Variants in LRIG1 observed in about 807,000 individuals in gnomAD.
The protein encoded by LRIG1 is leucine rich repeats and immunoglobulin like domains 1.
Under a neutral mutation model 99.2 loss-of-function variants are expected in LRIG1, and 48 were observed. That is an observed-to-expected ratio of 0.48 (90% CI 0.38 to 0.62). LRIG1 has a LOEUF of 0.62. Ranked by LOEUF, LRIG1 falls within the 20% of genes least tolerant of loss-of-function variation. LRIG1 has a pLI of 0.00. For missense variants in LRIG1, 1,646 were observed against 1,434.4 expected (o/e 1.15, Z -2.38); for synonymous variants, 772 against 596.1 (o/e 1.29, Z -4.30).
At chr3:66,394,006 TGAA>T in intron 12 of LRIG1, 31 bp downstream of exon 12, 1 of 1,611,104 alleles carries the variant, frequency 6.2e-7, no homozygotes. Context: ...TTGTCCTTCA[TGAA>T]GGAGAGAAAA....
At position 66,389,426 on chromosome 3, in the gene LRIG1, T is replaced by C. The variant is rs552551200; in HGVS notation, c.1469-3125A>G. On this transcript the variant is annotated intron_variant, in intron 12 of 18. Coordinates refer to ENST00000273261, the MANE Select transcript of LRIG1 (RefSeq NM_015541.3). Reference sequence around the variant, plus strand: ...TCCAATCAAAAGGCAAAGATTACCATAATGGATAAAAAAAACTATGATCCA... The same window carrying C: ...TCCAATCAAAAGGCAAAGATTACCACAATGGATAAAAAAAACTATGATCCA... 1.1e-4 allele frequency among the ~76,000 whole-genome samples: 16 copies of C among 152,062 alleles called. No homozygotes were observed. The East Asian group carries it at 3.1e-3, about 29-fold the overall frequency.
Position 66,384,232 on chromosome 3 carries a change from G to T in LRIG1, c.1830C>A (p.Ile610=). ...CGAGGCGGGCCATGGTGGTGGTCCG[G>T]ATGGTTATGTCGTGGGGCGTTTTGG... ...SFTKTPHDIT[I]RTTTMARLEC... The change falls in exon 14 of 19, where the codon ATC becomes ATA. Residue 610 remains isoleucine, a synonymous_variant. Coordinates refer to ENST00000273261, the MANE Select transcript of LRIG1 (RefSeq NM_015541.3). 4 of 1,613,954 alleles carry T rather than the reference G, an allele frequency of 2.5e-6. No individual in the cohort carries two copies. The highest frequency in any genetic ancestry group is 3.4e-6 in the Non-Finnish European group (4 of 1,179,864).
intron 1 of LRIG1, among the ~76,000 whole-genome samples, chr3:66,476,655 T>C (rs1700729379): frequency 6.6e-6 from 1 of 152,350 alleles, no homozygotes; most frequent in East Asian, 1.9e-4. Context: ...TAGAAAAAGA[T>C]GGCTGTCTCT....
intron 2 of LRIG1, among the ~76,000 whole-genome samples, chr3:66,461,675 C>T (rs1575709105): frequency 6.6e-6 from 1 of 152,100 alleles, no homozygotes. Flanking sequence ...CTGTAGTTGC[C>T]AATTTTTCTA....
At chr3:66,401,642 G>A (rs2107990673) in intron 9 of LRIG1, 2 of 1,531,220 alleles carry the variant, frequency 1.3e-6, no homozygotes, top group South Asian at 2.4e-5. Flanking sequence ...CTGGGACGGG[G>A]AGCTGCAGCC....
At chr3:66,479,184 A>G (rs995122777) in intron 1 of LRIG1, among the ~76,000 whole-genome samples, 1 of 152,260 alleles carries the variant, frequency 6.6e-6, no homozygotes, top group African/African-American at 2.4e-5. Flanking sequence ...TATAGCTGCA[A>G]AGCTCCGTCG....
intron 2 of LRIG1, among the ~76,000 whole-genome samples, chr3:66,457,687 G>C (rs1700261874): frequency 6.6e-6 from 1 of 152,210 alleles, no homozygotes; most frequent in Admixed American, 6.5e-5. Flanking sequence ...TAAGTAACTT[G>C]TCTAGGGTCT....
At chr3:66,396,236 A>ATGGGGAGGGCCTGGGGCCAGGCAG (rs1166293194) in intron 11 of LRIG1, among the ~76,000 whole-genome samples, 1 of 152,108 alleles carries the variant, frequency 6.6e-6, no homozygotes, top group Non-Finnish European at 1.5e-5. Flanking sequence ...GAGAGGATAC[A>ATGGGGAGGGCCTGGGGCCAGGCAG]TGGGGAGGGC....
intron 1 of LRIG1, among the ~76,000 whole-genome samples, chr3:66,493,704 G>A (rs1243809695): frequency 6.6e-6 from 1 of 152,146 alleles, no homozygotes; most frequent in Non-Finnish European, 1.5e-5. Flanking sequence ...ACTGAGATGG[G>A]AGGACTGCTT....
At chr3:66,401,321 T>G (rs1182948827) in intron 9 of LRIG1, among the ~76,000 whole-genome samples, 5 of 152,170 alleles carry the variant, frequency 3.3e-5, no homozygotes, top group Non-Finnish European at 7.3e-5. Context: ...CCCGAGCGCT[T>G]CAGAGAGCAC....
chr3:66,476,647 G>C (rs977244842), intron 1 of LRIG1, among the ~76,000 whole-genome samples: 1 of 152,152 alleles, frequency 6.6e-6, no homozygotes, highest in African/African-American at 2.4e-5. Context: ...CAAAGCACTA[G>C]AAAAAGATGG....
chr3:66,500,841 C>T lies in LRIG1; in HGVS notation c.-434G>A, dbSNP rs1377723900. On this transcript the variant is annotated 5_prime_UTR_variant, in exon 1 of 19. Transcript: ENST00000273261. ...GGCATCTTCCTCTGGGCTCGGAGCG[C>T]AAAGCCGTAGACCTCGGGCTGGACG... 2 of 152,388 alleles carry T rather than the reference C, an allele frequency of 1.3e-5. No individual in the cohort carries two copies. The highest frequency in any genetic ancestry group is 2.4e-5 in the African/African-American group (1 of 41,412). The allele number at this position is 152,388 out of a possible 1,614,324, so 9.4% of individuals were successfully genotyped here. A position where few individuals can be genotyped will look rare whatever the true frequency, so the allele number is the denominator to read the frequency against.
At chr3:66,426,059 C>A (rs1416610979) in intron 3 of LRIG1, among the ~76,000 whole-genome samples, 1 of 152,178 alleles carries the variant, frequency 6.6e-6, no homozygotes, top group Non-Finnish European at 1.5e-5. Context: ...TCTCATGTCA[C>A]AGATAACAGC....
intron 2 of LRIG1, among the ~76,000 whole-genome samples, chr3:66,452,703 G>C (rs1262639536): frequency 6.6e-6 from 1 of 151,950 alleles, no homozygotes; most frequent in African/African-American, 2.4e-5. Context: ...TGCTTGAAGA[G>C]AATAATCTGG....
chr3:66,422,409 C>G (rs1262626241), intron 3 of LRIG1, among the ~76,000 whole-genome samples: 2 of 152,168 alleles, frequency 1.3e-5, no homozygotes, highest in Non-Finnish European at 2.9e-5. Context: ...ATCAGATACC[C>G]TAAATCATCT....
intron 3 of LRIG1, among the ~76,000 whole-genome samples, chr3:66,440,394 A>C (rs1703502850): frequency 6.6e-6 from 1 of 152,216 alleles, no homozygotes; most frequent in Non-Finnish European, 1.5e-5. Context: ...GAGAAACAGA[A>C]GATGACAAGA....
At chr3:66,492,469 G>T (rs1017854507) in intron 1 of LRIG1, among the ~76,000 whole-genome samples, 8 of 152,028 alleles carry the variant, frequency 5.3e-5, no homozygotes, top group African/African-American at 1.9e-4. Flanking sequence ...TACGTTCATC[G>T]TGTTTCTCAA....
chr3:66,415,224 G>A (rs1458229027), intron 4 of LRIG1, among the ~76,000 whole-genome samples, 161 bp from the exon 5 acceptor site: 1 of 152,210 alleles, frequency 6.6e-6, no homozygotes, highest in Non-Finnish European at 1.5e-5. Context: ...TTTGGATGGG[G>A]AGCTAGAGAG....
At chr3:66,427,715 A>AT (rs1374234973) in intron 3 of LRIG1, among the ~76,000 whole-genome samples, 2 of 152,214 alleles carry the variant, frequency 1.3e-5, no homozygotes, top group African/African-American at 4.8e-5. Flanking sequence ...GTTTGTAAAC[A>AT]TTTTTATTGA....
Sources: gnomAD v4.1 joint callset for allele counts (sites outside exome capture counted in the v4.1 genomes callset) on GRCh38, gnomAD v4.1.1 for gene constraint, MANE v1.5 for transcripts, NCBI Gene and HGNC (gene_info 2026-07-23, HGNC 2026-07-21) for gene names.